The following ZFHX3 variants were observed in gnomAD, a reference collection of about 807,000 sequenced individuals.
The protein encoded by ZFHX3 is zinc finger homeobox protein 3.
ZFHX3 carries 42 observed loss-of-function variants against 279.1 expected under a neutral mutation model. That is an observed-to-expected ratio of 0.15 (90% CI 0.12 to 0.19). The LOEUF (loss-of-function observed/expected upper bound fraction) is 0.19. ZFHX3 is among the 10% of genes least tolerant of loss of function. The probability of loss-of-function intolerance (pLI) is 1.00; values close to 1 mark genes in which losing one functional copy is unlikely to be tolerated. For missense variants in ZFHX3, 4,981 were observed against 4,754.0 expected (o/e 1.05, Z -1.40); for synonymous variants, 2,293 against 1,957.8 (o/e 1.17, Z -4.52).
intron 3 of ZFHX3, among the ~76,000 whole-genome samples, chr16:73,407,470 G>A (rs1044147429): frequency 5.3e-5 from 8 of 152,180 alleles, no homozygotes; most frequent in African/African-American, 1.9e-4. Flanking sequence ...GGACACATCA[G>A]TAGTCCAAGA....
At chr16:72,872,300 A>T (rs2038182295) in intron 4 of ZFHX3, among the ~76,000 whole-genome samples, 1 of 152,206 alleles carries the variant, frequency 6.6e-6, no homozygotes, top group Non-Finnish European at 1.5e-5. Flanking sequence ...AGCTCCTATC[A>T]GCACTTGCAG....
At chr16:73,470,541 C>T (rs779566337) in intron 2 of ZFHX3, among the ~76,000 whole-genome samples, 3 of 152,108 alleles carry the variant, frequency 2.0e-5, no homozygotes, top group East Asian at 3.9e-4. Flanking sequence ...ATAATGTCAT[C>T]GAGAAAACAG....
chr16:73,687,354 G>C (rs1053790153), intron 1 of ZFHX3, among the ~76,000 whole-genome samples: 47 of 151,016 alleles, frequency 3.1e-4, no homozygotes, highest in African/African-American at 1.1e-3. Context: ...CCGCACACCA[G>C]CCTGGGTGAC....
chr16:73,731,787 G>A (rs1221672507), intron 1 of ZFHX3, among the ~76,000 whole-genome samples: 1 of 152,132 alleles, frequency 6.6e-6, no homozygotes. Context: ...ATTTCAGTAA[G>A]CAGGCATCAT....
chr16:73,000,301 G>C (rs576713136), intron 1 of ZFHX3, among the ~76,000 whole-genome samples: 2 of 152,342 alleles, frequency 1.3e-5, no homozygotes, highest in Non-Finnish European at 2.9e-5. Flanking sequence ...TTCTTGGCGA[G>C]CTGATGGGTG....
chr16:72,929,343 C>T (rs1281605722), intron 3 of ZFHX3, among the ~76,000 whole-genome samples: 1 of 151,984 alleles, frequency 6.6e-6, no homozygotes, highest in Non-Finnish European at 1.5e-5. Flanking sequence ...ATTAACTGAC[C>T]CTTGCTTGGG....
chr16:73,191,724 C>CT (rs35599767), intron 5 of ZFHX3, among the ~76,000 whole-genome samples: 61,943 of 149,928 alleles, frequency 0.41, 13,138 homozygotes, highest in African/African-American at 0.52. Flanking sequence ...AGCTGTATTT[C>CT]TTTTTTTTTT....
At chr16:72,929,653 G>A (rs919024330) in intron 3 of ZFHX3, among the ~76,000 whole-genome samples, 1 of 152,182 alleles carries the variant, frequency 6.6e-6, no homozygotes, top group African/African-American at 2.4e-5. Context: ...CTGGGGCCAC[G>A]CGGGCTGCGA....
rs903364249 is a variant in ZFHX3 at position 73,127,376 on chromosome 16, G to C, written c.-897+3592C>G. Reference sequence around the variant, plus strand: ...AAAGTCAATTCCACTTAACTGAATGGCTGCTAACTAAATATTTTTGGGGCC... The same window carrying C: ...AAAGTCAATTCCACTTAACTGAATGCCTGCTAACTAAATATTTTTGGGGCC... On this transcript the variant is annotated intron_variant, in intron 7 of 17. Transcript: ENST00000641206. 6.9e-6 allele frequency: 9 copies of C among 1,305,320 alleles called. No homozygotes were observed. In the African/African-American group the frequency reaches 1.4e-4, roughly 20 times the overall value. 80.9% of individuals were successfully genotyped at this position (1,305,320 alleles called of 1,614,324 possible).
At chr16:73,791,507 C>A (rs551537770) in intron 1 of ZFHX3, among the ~76,000 whole-genome samples, 1 of 152,292 alleles carries the variant, frequency 6.6e-6, no homozygotes, top group African/African-American at 2.4e-5. Flanking sequence ...TCACTGCGAC[C>A]TCCGTCTCCC....
At chr16:73,455,729 GC>G (rs1159326767) in intron 3 of ZFHX3, among the ~76,000 whole-genome samples, 2 of 83,852 alleles carry the variant, frequency 2.4e-5, no homozygotes, top group East Asian at 2.7e-4. Flanking sequence ...TTAAAATATT[GC>G]TTTTTTTTTT....
intron 2 of ZFHX3, among the ~76,000 whole-genome samples, chr16:73,546,671 T>TTGTTGC (rs1204096507): frequency 2.1e-5 from 3 of 143,412 alleles, no homozygotes; most frequent in Non-Finnish European, 4.6e-5. Flanking sequence ...GGTGCTGCTG[T>TTGTTGC]TGCTGCTGCT....
At chr16:73,821,283 C>A (rs1279460281) in intron 1 of ZFHX3, among the ~76,000 whole-genome samples, 1 of 152,204 alleles carries the variant, frequency 6.6e-6, no homozygotes, top group Non-Finnish European at 1.5e-5. Flanking sequence ...TGGACCAGCA[C>A]AGAGGTCTCT....
chr16:73,866,112 C>G (rs1050259907), intron 1 of ZFHX3, among the ~76,000 whole-genome samples: 3 of 151,694 alleles, frequency 2.0e-5, no homozygotes, highest in Admixed American at 6.6e-5. Flanking sequence ...AGGCAATCCT[C>G]TCACCACAGC....
At chr16:73,028,138 G>C (rs962031999) in intron 1 of ZFHX3, among the ~76,000 whole-genome samples, 3 of 152,186 alleles carry the variant, frequency 2.0e-5, no homozygotes, top group East Asian at 3.9e-4. Context: ...TTTTTTTGGG[G>C]GAGTGTGGGG....
intron 3 of ZFHX3, among the ~76,000 whole-genome samples, chr16:73,433,978 C>T (rs145075304): frequency 6.6e-6 from 1 of 152,150 alleles, no homozygotes; most frequent in Admixed American, 6.5e-5. Flanking sequence ...TATTGACTTG[C>T]GTGTCCCTTC....
At chr16:73,505,337 C>T (rs963387667) in intron 2 of ZFHX3, among the ~76,000 whole-genome samples, 4 of 152,256 alleles carry the variant, frequency 2.6e-5, no homozygotes, top group African/African-American at 4.8e-5. Flanking sequence ...AGAAAGCTTA[C>T]GTCACTTACA....
At chr16:73,371,927 C>A (rs983327634) in intron 3 of ZFHX3, among the ~76,000 whole-genome samples, 14 of 152,212 alleles carry the variant, frequency 9.2e-5, no homozygotes, top group Non-Finnish European at 1.3e-4. Context: ...GAGCCCCCTT[C>A]CTGGACCTCT....
chr16:73,682,392 T>A (rs933037388), intron 1 of ZFHX3, among the ~76,000 whole-genome samples: 4 of 152,146 alleles, frequency 2.6e-5, no homozygotes, highest in African/African-American at 9.7e-5. Context: ...GAAAGATTAC[T>A]CAAAATGAAG....
Sources: allele counts gnomAD v4.1 joint callset (sites outside exome capture counted in the v4.1 genomes callset), GRCh38; gene constraint gnomAD v4.1.1; transcripts MANE v1.5; gene names NCBI Gene and HGNC (gene_info 2026-07-23, HGNC 2026-07-21).